The following HPCAL1 variants were observed in gnomAD, a reference collection of about 807,000 sequenced individuals.
HPCAL1 encodes hippocalcin like 1.
HPCAL1 carries 8 observed loss-of-function variants against 17.1 expected under a neutral mutation model. The ratio of observed to expected loss-of-function variants is 0.47; its 90% CI spans 0.27 to 0.84. The LOEUF (loss-of-function observed/expected upper bound fraction) is 0.84, where lower values mean the gene tolerates loss of function less well. HPCAL1 is among the 40% of genes least tolerant of loss of function. The pLI is 0.13. For synonymous variants in HPCAL1, 112 were observed against 111.4 expected (o/e 1.01, Z -0.03); for missense variants, 165 against 271.1 (o/e 0.61, Z 2.75).
Position 10,365,887 on chromosome 2 carries a change from G to T in HPCAL1, c.-110-30948G>T, listed in dbSNP as rs531199535. Among the ~76,000 whole-genome samples the T allele has an allele frequency of 6.6e-6, 1 of 152,188 alleles. No individual in the cohort carries two copies. The highest frequency in any genetic ancestry group is 1.5e-5 in the Non-Finnish European group (1 of 68,040). Reference sequence around the variant, plus strand: ...GCCTGCTGGGTGCTGAGCCCACACCGCATGTCCTCGGCCTCCCATTGAGAT... The same window carrying T: ...GCCTGCTGGGTGCTGAGCCCACACCTCATGTCCTCGGCCTCCCATTGAGAT... On this transcript the variant is annotated intron_variant, in intron 1 of 4. Transcript: ENST00000307845. This position sits in a 1 kb window ranked among gnomAD's most constrained non-coding sequence, Gnocchi z 4.8.
rs1666579308 is a variant in HPCAL1 at position 10,362,430 on chromosome 2, G to A, written c.-110-34405G>A. On this transcript the variant is annotated intron_variant, in intron 1 of 4. Transcript: ENST00000307845. The surrounding 1 kb of genome is among the most constrained non-coding windows in gnomAD (Gnocchi z 5.0). The stretch of plus-strand genomic sequence containing the variant: ...GAGAGGCCAGCCTGAGCTCCTCCAT[G>A]TCCTACTCCTGTGGATAGACCCCCC... Among the ~76,000 whole-genome samples the A allele has an allele frequency of 6.6e-6, 1 of 152,152 alleles. No homozygotes were observed. Among genetic ancestry groups the A allele is most frequent in the Non-Finnish European group, 1.5e-5 (1 of 68,032 alleles).
At position 10,359,404 on chromosome 2, in the gene HPCAL1, C is replaced by T. The variant is rs1474257063; in HGVS notation, c.-110-37431C>T. On this transcript the variant is annotated intron_variant, in intron 1 of 4. Coordinates refer to ENST00000307845, the MANE Select transcript of HPCAL1 (RefSeq NM_002149.4). This position sits in a 1 kb window ranked among gnomAD's most constrained non-coding sequence, Gnocchi z 4.1. ...CCCCTGCAGGCAGGAGACTTCAACG[C>T]AGAGATTAAGAAGTTGAGATGTCTT... Among the ~76,000 whole-genome samples the T allele has an allele frequency of 1.3e-5, 2 of 152,312 alleles. No homozygotes were observed. Among genetic ancestry groups the T allele is most frequent in the African/African-American group, 2.4e-5 (1 of 41,568 alleles).
rs1669069237 is a variant in HPCAL1 at position 10,396,842 on chromosome 2, G to T, written c.-103G>T. On this transcript the variant is annotated 5_prime_UTR_variant, in exon 2 of 5. Coordinates refer to ENST00000307845, the MANE Select transcript of HPCAL1 (RefSeq NM_002149.4). ...GTCGCTCTTCTCTTCCAGGGGCATG[G>T]TCTAGTGGCCCAGTCAGGACGCGGA... 6.6e-6 allele frequency: 1 copy of T among 152,332 alleles called. No homozygotes were observed. Among genetic ancestry groups the T allele is most frequent in the Admixed American group, 6.5e-5 (1 of 15,284 alleles). The allele number at this position is 152,332 out of a possible 1,614,324, so 9.4% of individuals were successfully genotyped here.
At chr2:10,319,095 G>A (rs950873243) in intron 1 of HPCAL1, among the ~76,000 whole-genome samples, 3 of 152,102 alleles carry the variant, frequency 2.0e-5, no homozygotes, top group Admixed American at 1.3e-4. Context: ...CATCATTGTC[G>A]TCCTCATCGT....
At chr2:10,388,662 A>T (rs933172528) in intron 1 of HPCAL1, among the ~76,000 whole-genome samples, 1 of 152,144 alleles carries the variant, frequency 6.6e-6, no homozygotes, top group Non-Finnish European at 1.5e-5. Context: ...TCCTACAACA[A>T]TTGTGCTTAA....
At chr2:10,387,804 A>G (rs1273240235) in intron 1 of HPCAL1, among the ~76,000 whole-genome samples, 1 of 152,176 alleles carries the variant, frequency 6.6e-6, no homozygotes, top group Non-Finnish European at 1.5e-5. Flanking sequence ...TGGACCTGCG[A>G]GTGTAGGTAA....
chr2:10,426,901 G>C lies in HPCAL1; in HGVS notation c.*80G>C. The C allele has an allele frequency of 7.5e-7, 1 of 1,335,754 alleles. No homozygotes were observed. Among genetic ancestry groups the C allele is most frequent in the Non-Finnish European group, 1.1e-6 (1 of 934,522 alleles). The allele number at this position is 1,335,754 out of a possible 1,614,324, so 82.7% of individuals were successfully genotyped here. On this transcript the variant is annotated 3_prime_UTR_variant, in exon 5 of 5. Transcript: ENST00000307845. Reference sequence around the variant, plus strand: ...CTTTGCTTGCAAGAGTGGATGCCCCGCAATCGTTCCTGCTCTCCCGGGCCC... The same window carrying C: ...CTTTGCTTGCAAGAGTGGATGCCCCCCAATCGTTCCTGCTCTCCCGGGCCC...
At chr2:10,406,414 A>C (rs1669972620) in intron 2 of HPCAL1, 1 of 152,264 alleles carries the variant, frequency 6.6e-6, no homozygotes, top group Non-Finnish European at 1.5e-5. Context: ...GTGGGGGGTC[A>C]CTTCAAGGAG....
chr2:10,397,875 G>A (rs1669160397), intron 2 of HPCAL1, among the ~76,000 whole-genome samples: 1 of 152,228 alleles, frequency 6.6e-6, no homozygotes, highest in Non-Finnish European at 1.5e-5. Context: ...TGGAGAGTGT[G>A]TAATTCTGGC....
At chr2:10,353,874 T>C (rs751364812) in intron 1 of HPCAL1, among the ~76,000 whole-genome samples, 5 of 152,186 alleles carry the variant, frequency 3.3e-5, no homozygotes, top group Non-Finnish European at 7.4e-5. Flanking sequence ...AAATAAAATT[T>C]TATTGGAACA....
In HPCAL1 at chr2:10,327,990, A is replaced by G. The variant is rs149008359; in HGVS notation, c.-111+24813A>G. Among the ~76,000 whole-genome samples, 564 of 152,362 alleles carry G rather than the reference A, an allele frequency of 3.7e-3. 1 individual carries two copies. Among genetic ancestry groups the G allele is most frequent in the Non-Finnish European group, 6.4e-3 (434 of 68,038 alleles). The stretch of plus-strand genomic sequence containing the variant: ...AGATTTAGTAAGTGTAAAAGACTTA[A>G]GTTGAGGTCATTTCTGTCCACAAGC... On this transcript the variant is annotated intron_variant, in intron 1 of 4. Transcript: ENST00000307845.
chr2:10,324,500 C>G (rs1379427183), intron 1 of HPCAL1: 1 of 152,184 alleles, frequency 6.6e-6, no homozygotes, highest in East Asian at 1.9e-4. Flanking sequence ...ATAGCCATTG[C>G]ACAGCTGTGA....
In HPCAL1 at chr2:10,344,987, GTC is replaced by G. The variant is rs915830432; in HGVS notation, c.-111+41820_-111+41821del. Among the ~76,000 whole-genome samples, 2 of 151,004 alleles carry G rather than the reference GTC, an allele frequency of 1.3e-5. No homozygotes were observed. Among genetic ancestry groups the G allele is most frequent in the African/African-American group, 4.9e-5 (2 of 40,936 alleles). Reference sequence around the variant, plus strand: ...TCCATCTCTCTCTCTTTTTCTGTGTGTCTCTCTCTCTGTGCCTTTCAGTCTCT... The same window carrying G: ...TCCATCTCTCTCTCTTTTTCTGTGTGTCTCTCTCTGTGCCTTTCAGTCTCT... On this transcript the variant is annotated intron_variant, in intron 1 of 4. Coordinates refer to ENST00000307845, the MANE Select transcript of HPCAL1 (RefSeq NM_002149.4). The surrounding 1 kb of genome is among the most constrained non-coding windows in gnomAD (Gnocchi z 4.9).
intron 1 of HPCAL1, among the ~76,000 whole-genome samples, chr2:10,340,900 G>A (rs1349230854): frequency 6.6e-6 from 1 of 152,162 alleles, no homozygotes; most frequent in Admixed American, 6.5e-5. Flanking sequence ...CCGAGTTCAT[G>A]AAATTAACTC....
intron 1 of HPCAL1, among the ~76,000 whole-genome samples, chr2:10,388,020 C>T (rs908912232): frequency 2.6e-5 from 4 of 152,132 alleles, no homozygotes; most frequent in East Asian, 1.9e-4. Context: ...TCCCTGCACT[C>T]GCAGGCCCCC....
chr2:10,416,851 G>A (rs1272624996), intron 2 of HPCAL1, among the ~76,000 whole-genome samples: 1 of 152,126 alleles, frequency 6.6e-6, no homozygotes, highest in Non-Finnish European at 1.5e-5. Flanking sequence ...GCCCCAGGGT[G>A]GGTCATATTT....
intron 1 of HPCAL1, among the ~76,000 whole-genome samples, chr2:10,383,941 C>T (rs1231811855): frequency 6.6e-6 from 1 of 151,968 alleles, no homozygotes; most frequent in Non-Finnish European, 1.5e-5. Context: ...GCCAAATGTA[C>T]CCGGGAAAAT....
chr2:10,422,031 G>C (rs764310862), intron 3 of HPCAL1, among the ~76,000 whole-genome samples: 7 of 152,116 alleles, frequency 4.6e-5, no homozygotes, highest in Non-Finnish European at 7.4e-5. Context: ...AAATAGGTGT[G>C]CCTGTCACTG....
intron 2 of HPCAL1, among the ~76,000 whole-genome samples, chr2:10,399,241 T>C (rs369598577): frequency 0.19 from 2,182 of 11,414 alleles, 21 homozygotes; most frequent in Middle Eastern, 0.35. Flanking sequence ...ACCACCACCA[T>C]CACCACCACC....
Sources: allele counts gnomAD v4.1 joint callset (sites outside exome capture counted in the v4.1 genomes callset), GRCh38; gene constraint gnomAD v4.1.1; non-coding constraint Gnocchi (gnomAD v3.1); transcripts MANE v1.5; gene names NCBI Gene and HGNC (gene_info 2026-07-23, HGNC 2026-07-21).